C11orf65: variants seen among roughly 807,000 people sequenced by gnomAD.
C11orf65 encodes the protein protein MFI.
In C11orf65, 38 loss-of-function variants were observed where a neutral mutation model predicts 35.3. That is an observed-to-expected ratio of 1.08 (90% CI 0.83 to 1.41). The LOEUF (loss-of-function observed/expected upper bound fraction) is 1.41, where lower values mean the gene tolerates loss of function less well. C11orf65 is among the 40% of genes most tolerant of loss of function. C11orf65 has a pLI of 0.00. For missense variants in C11orf65, 370 were observed against 367.1 expected (o/e 1.01, Z -0.06); for synonymous variants, 105 against 114.4 (o/e 0.92, Z 0.53).
chr11:108,454,443 C>A (rs1314028519), intron 2 of C11orf65, among the ~76,000 whole-genome samples: 3 of 151,870 alleles, frequency 2.0e-5, no homozygotes, highest in Non-Finnish European at 4.4e-5. Context: ...GGATTACAGG[C>A]ATGTGCCACC....
At chr11:108,417,128 A>G (rs1479544340) in intron 3 of C11orf65, among the ~76,000 whole-genome samples, 1 of 152,254 alleles carries the variant, frequency 6.6e-6, no homozygotes, top group Non-Finnish European at 1.5e-5. Flanking sequence ...ACATACAGAG[A>G]GTAAATAGTA....
intron 6 of C11orf65, among the ~76,000 whole-genome samples, chr11:108,399,186 C>T (rs2092387613): frequency 6.6e-6 from 1 of 152,140 alleles, no homozygotes; most frequent in South Asian, 2.1e-4. Flanking sequence ...TCATCTTGTC[C>T]ATCTGATTAC....
rs1475519596 is a variant in C11orf65 at position 108,339,570 on chromosome 11, CAG to C, written c.227-4280_227-4279del. 6.6e-5 allele frequency among the ~76,000 whole-genome samples: 10 copies of C among 152,160 alleles called. No homozygotes were observed. The East Asian group carries it at 1.4e-3, about 21-fold the overall frequency. On this transcript the variant is annotated intron_variant, in intron 2 of 3. Coordinates refer to the C11orf65 transcript ENST00000524755. ...ACCCAGATACCCAGTTGAAATCTTC[CAG>C]AGAGTCTTTAGTACCAGAGAAAACA...
intron 5 of C11orf65, among the ~76,000 whole-genome samples, chr11:108,406,198 G>A (rs2092537087): frequency 2.0e-5 from 3 of 152,134 alleles, no homozygotes; most frequent in Admixed American, 1.3e-4. Flanking sequence ...TCTATCCCCT[G>A]CATCCAGAAC....
In C11orf65 at chr11:108,331,945, G is replaced by A. The variant is rs1060501604; in HGVS notation, c.300-378C>T. On this transcript the variant is annotated intron_variant, in intron 3 of 3. Coordinates refer to the C11orf65 transcript ENST00000524755. ...GTTTATTATACTGGCCTTAGCAAATGCAAACAGAGATGAATTTCTGACTAA... is the reference window on the plus strand; with the variant it reads ...GTTTATTATACTGGCCTTAGCAAATACAAACAGAGATGAATTTCTGACTAA... 6.2e-7 allele frequency: 1 copy of A among 1,613,900 alleles called. No individual in the cohort carries two copies. Among genetic ancestry groups the A allele is most frequent in the Non-Finnish European group, 8.5e-7 (1 of 1,179,866 alleles).
At chr11:108,382,490 A>T (rs1450470042), downstream of C11orf65, among the ~76,000 whole-genome samples, 6 of 152,238 alleles carry the variant, frequency 3.9e-5, no homozygotes, top group Admixed American at 6.5e-5. Flanking sequence ...AATAACTATG[A>T]CATAAAATAG....
chr11:108,441,417 G>A (rs2093152243), intron 2 of C11orf65, among the ~76,000 whole-genome samples: 1 of 152,238 alleles, frequency 6.6e-6, no homozygotes, highest in Admixed American at 6.5e-5. Context: ...TGAACAAAAG[G>A]CAGCAGAAAC....
intron 6 of C11orf65, chr11:108,316,241 A>T: frequency 1.0e-6 from 1 of 965,126 alleles, no homozygotes; most frequent in South Asian, 1.4e-5. Flanking sequence ...TGTTTTTCAG[A>T]GGATTAGGCT....
At chr11:108,360,222 T>TA (rs1383583216) in intron 2 of C11orf65, among the ~76,000 whole-genome samples, 1 of 150,412 alleles carries the variant, frequency 6.6e-6, no homozygotes, top group Non-Finnish European at 1.5e-5. Flanking sequence ...CCTCGACACA[T>TA]ACACTCTCCC....
intron 2 of C11orf65, among the ~76,000 whole-genome samples, chr11:108,433,360 TGA>T (rs2093018997): frequency 6.6e-6 from 1 of 151,460 alleles, no homozygotes; most frequent in African/African-American, 2.4e-5. Context: ...GGTGGGATCA[TGA>T]GGTCAGGAGA....
At chr11:108,448,863 A>G (rs2093305977) in intron 2 of C11orf65, among the ~76,000 whole-genome samples, 1 of 152,218 alleles carries the variant, frequency 6.6e-6, no homozygotes, top group Non-Finnish European at 1.5e-5. Flanking sequence ...TGCAGACGAC[A>G]TGATTGTATA....
At chr11:108,357,576 C>G (rs1423279254) in intron 2 of C11orf65, among the ~76,000 whole-genome samples, 2 of 152,176 alleles carry the variant, frequency 1.3e-5, no homozygotes, top group Middle Eastern at 3.2e-3. Context: ...TAGTGGTTCT[C>G]CCAGCACGCA....
In C11orf65 at chr11:108,316,753, C is replaced by CAAA. The variant is rs58165074; in HGVS notation, c.641-7685_641-7683dup. Among the ~76,000 whole-genome samples the CAAA allele has an allele frequency of 3.1e-3, 228 of 72,410 alleles. 6 individuals carry two copies. The highest frequency in any genetic ancestry group is 0.01 in the African/African-American group (189 of 18,124). The allele number at this position is 72,410 out of a possible 152,430, so 47.5% of individuals were successfully genotyped here. A position where few individuals can be genotyped will look rare whatever the true frequency, so the allele number is the denominator to read the frequency against. On this transcript the variant is annotated intron_variant, in intron 6 of 6. Coordinates refer to the C11orf65 transcript ENST00000525729. ...TGAAACCCCGTCTCTACTAAAAATA[C>CAAA]AAAAAAAAAAAAAAAAAAAAAAATT...
chr11:108,384,855 G>A (rs2091952451), intron 8 of C11orf65, among the ~76,000 whole-genome samples: 1 of 152,164 alleles, frequency 6.6e-6, no homozygotes, highest in South Asian at 2.1e-4. Flanking sequence ...CTATCTGCTA[G>A]TAGGACAGAA....
intron 2 of C11orf65, among the ~76,000 whole-genome samples, chr11:108,438,892 G>A (rs12289556): frequency 0.19 from 28,626 of 151,622 alleles, 3,127 homozygotes; most frequent in African/African-American, 0.29. Flanking sequence ...TGTAGTCCCA[G>A]CTACTCAGGA....
chr11:108,449,441 T>C (rs989537217), intron 2 of C11orf65, among the ~76,000 whole-genome samples: 2 of 151,978 alleles, frequency 1.3e-5, no homozygotes, highest in Non-Finnish European at 2.9e-5. Context: ...AACAGAGATA[T>C]AGATCAATGG....
chr11:108,405,858 C>G (rs2092530945), intron 5 of C11orf65, among the ~76,000 whole-genome samples: 1 of 152,150 alleles, frequency 6.6e-6, no homozygotes, highest in East Asian at 1.9e-4. Context: ...CATGAATAGA[C>G]CTGACCTACT....
At chr11:108,322,247 C>A (rs2085289450) in intron 6 of C11orf65, among the ~76,000 whole-genome samples, 1 of 151,884 alleles carries the variant, frequency 6.6e-6, no homozygotes, top group African/African-American at 2.4e-5. Flanking sequence ...CTCCACCTCC[C>A]AGGTTCAAGC....
At chr11:108,397,784 CATTT>C (rs150811268) in intron 6 of C11orf65, among the ~76,000 whole-genome samples, 8,646 of 152,150 alleles carry the variant, frequency 0.057, 781 homozygotes, top group African/African-American at 0.19. Context: ...AGCATTCATT[CATTT>C]ATTTATTCTA....
Sources: allele counts gnomAD v4.1 joint callset (sites outside exome capture counted in the v4.1 genomes callset), GRCh38; gene constraint gnomAD v4.1.1; transcripts MANE v1.5; gene names NCBI Gene and HGNC (gene_info 2026-07-23, HGNC 2026-07-21).